Variants in NSMCE2 observed in about 807,000 individuals in gnomAD.
NSMCE2 encodes E3 SUMO-protein ligase NSE2.
A neutral mutation model predicts 23.8 loss-of-function variants in NSMCE2; 24 were observed. The ratio of observed to expected loss-of-function variants is 1.01; its 90% CI spans 0.73 to 1.42. The LOEUF (loss-of-function observed/expected upper bound fraction) is 1.42, where lower values mean the gene tolerates loss of function less well. Among genes scored for constraint, NSMCE2 ranks in the 40% most tolerant of loss-of-function variants. NSMCE2 has a pLI of 0.00. For synonymous variants in NSMCE2, 92 were observed against 94.1 expected (o/e 0.98, Z 0.13); for missense variants, 284 against 296.5 (o/e 0.96, Z 0.31).
intron 5 of NSMCE2, among the ~76,000 whole-genome samples, chr8:125,247,243 A>G (rs1826020650): frequency 6.6e-6 from 1 of 151,796 alleles, no homozygotes; most frequent in Non-Finnish European, 1.5e-5. Flanking sequence ...TAAGGTGGGA[A>G]GATTACCTGA....
rs752212701 is a variant in NSMCE2 at position 125,366,814 on chromosome 8, C to A, written c.673C>A (p.Leu225Ile). The change falls in exon 8 of 8, where the codon CTT becomes ATT. Residue 225 changes from leucine (L) to isoleucine (I), a missense_variant. Coordinates refer to ENST00000287437, the MANE Select transcript of NSMCE2 (RefSeq NM_173685.4). Reference sequence around the variant, plus strand: ...CCACACGGATATAAGAAAGTCAGATCTTATCCAGGATGAAGCACTTAGAAG... The same window carrying A: ...CCACACGGATATAAGAAAGTCAGATATTATCCAGGATGAAGCACTTAGAAG... The part of the protein sequence containing the change: ...CSHTDIRKSD[L>I]IQDEALRRAI... The A allele has an allele frequency of 2.5e-5, 41 of 1,613,420 alleles. No homozygotes were observed. Among genetic ancestry groups the A allele is most frequent in the Non-Finnish European group, 3.4e-5 (40 of 1,179,456 alleles).
chr8:125,149,046 A>G (rs1039641971), intron 3 of NSMCE2, among the ~76,000 whole-genome samples: 1 of 152,186 alleles, frequency 6.6e-6, no homozygotes, highest in African/African-American at 2.4e-5. Flanking sequence ...AATTTTCACA[A>G]CAACAAACTG....
At chr8:125,158,358 C>G (rs1821430689) in intron 4 of NSMCE2, among the ~76,000 whole-genome samples, 2 of 152,018 alleles carry the variant, frequency 1.3e-5, no homozygotes, top group East Asian at 1.9e-4. Context: ...CAAAGAAGAC[C>G]CCTCTGTGCA....
At chr8:125,355,461 A>T (rs1813217724) in intron 5 of NSMCE2, among the ~76,000 whole-genome samples, 1 of 152,224 alleles carries the variant, frequency 6.6e-6, no homozygotes, top group Admixed American at 6.5e-5. Flanking sequence ...GCACTCTGGG[A>T]GGCCAAGGCG....
chr8:125,328,088 C>A (rs1829744767), intron 5 of NSMCE2, among the ~76,000 whole-genome samples: 1 of 150,990 alleles, frequency 6.6e-6, no homozygotes, highest in Non-Finnish European at 1.5e-5. Context: ...TAGTACTGGC[C>A]ATTTTTCCAG....
In NSMCE2 at chr8:125,264,225, C is replaced by T. The variant is rs150582672; in HGVS notation, c.418+81969C>T. On this transcript the variant is annotated intron_variant, in intron 5 of 7. Transcript: ENST00000287437. The stretch of plus-strand genomic sequence containing the variant: ...CTGTCATGAGTGTGAATTTCATTGA[C>T]ATTTCTTTTTTAATCTTAGCATTTC... 8.5e-5 allele frequency among the ~76,000 whole-genome samples: 13 copies of T among 152,294 alleles called. No individual in the cohort carries two copies. The East Asian group carries it at 2.3e-3, about 27-fold the overall frequency.
At chr8:125,102,220 A>G (rs888442370) in intron 2 of NSMCE2, 74 bp downstream of exon 2, 1 of 809,722 alleles carries the variant, frequency 1.2e-6, no homozygotes, top group African/African-American at 1.7e-5. Flanking sequence ...GATATTGGAT[A>G]CATTTGTATG....
intron 7 of NSMCE2, 124 bp downstream of exon 7, chr8:125,357,942 T>G (rs1390798303): frequency 1.5e-6 from 1 of 672,578 alleles, no homozygotes; most frequent in East Asian, 2.7e-5. Context: ...TCCCGAATAC[T>G]GTAAACATGG....
intron 5 of NSMCE2, among the ~76,000 whole-genome samples, chr8:125,305,695 C>T (rs1443368398): frequency 6.6e-6 from 1 of 152,128 alleles, no homozygotes; most frequent in East Asian, 1.9e-4. Flanking sequence ...TTTAGAAACT[C>T]GTATACCTGC....
At chr8:125,129,346 A>G in intron 3 of NSMCE2, among the ~76,000 whole-genome samples, 1 of 150,536 alleles carries the variant, frequency 6.6e-6, no homozygotes, top group East Asian at 1.9e-4. Context: ...GTCTGAAAGG[A>G]TACTTAAACA....
At chr8:125,165,418 T>C (rs1821829053) in intron 4 of NSMCE2, among the ~76,000 whole-genome samples, 1 of 152,222 alleles carries the variant, frequency 6.6e-6, no homozygotes, top group South Asian at 2.1e-4. Flanking sequence ...AGTGGTGCCT[T>C]CTTCAGCACT....
chr8:125,097,612 A>G (rs1817999857), intron 1 of NSMCE2, among the ~76,000 whole-genome samples: 1 of 152,126 alleles, frequency 6.6e-6, no homozygotes, highest in Non-Finnish European at 1.5e-5. Flanking sequence ...TGTTGTGCCT[A>G]TAATCCTTTC....
intron 5 of NSMCE2, among the ~76,000 whole-genome samples, chr8:125,299,771 CTAT>C (rs377141887): frequency 2.4e-3 from 334 of 137,372 alleles, no homozygotes; most frequent in African/African-American, 8.0e-3. Flanking sequence ...AGTTTGAAGA[CTAT>C]TATTACCTTG....
At chr8:125,237,451 T>A (rs1405419216) in intron 5 of NSMCE2, among the ~76,000 whole-genome samples, 1 of 152,136 alleles carries the variant, frequency 6.6e-6, no homozygotes, top group Non-Finnish European at 1.5e-5. Flanking sequence ...CCTGCCAGAT[T>A]GAGGCAAGCA....
chr8:125,243,960 TAA>T (rs1289112219), intron 5 of NSMCE2, among the ~76,000 whole-genome samples: 1 of 151,946 alleles, frequency 6.6e-6, no homozygotes, highest in African/African-American at 2.4e-5. Context: ...GCAAAATTTA[TAA>T]AGACATTCTG....
At chr8:125,277,910 A>T (rs947574837) in intron 5 of NSMCE2, among the ~76,000 whole-genome samples, 6 of 151,922 alleles carry the variant, frequency 3.9e-5, no homozygotes, top group African/African-American at 1.5e-4. Context: ...TAATTTTTTT[A>T]AAAAGATGCA....
At chr8:125,165,736 A>G (rs2130744275) in intron 4 of NSMCE2, among the ~76,000 whole-genome samples, 1 of 152,300 alleles carries the variant, frequency 6.6e-6, no homozygotes, top group Admixed American at 6.5e-5. Flanking sequence ...TTATTGTTCT[A>G]ATTTTTCTAT....
chr8:125,107,188 CT>C (rs71295817), intron 3 of NSMCE2, among the ~76,000 whole-genome samples: 251 of 120,006 alleles, frequency 2.1e-3, no homozygotes, highest in African/African-American at 5.1e-3. Context: ...CAAGGACATT[CT>C]TTTTTTTTTT....
At chr8:125,124,635 A>C (rs960833183) in intron 3 of NSMCE2, among the ~76,000 whole-genome samples, 5 of 151,994 alleles carry the variant, frequency 3.3e-5, no homozygotes, top group African/African-American at 9.7e-5. Context: ...TTGCACCACC[A>C]CACCTGGCTA....
Sources: allele counts gnomAD v4.1 joint callset (sites outside exome capture counted in the v4.1 genomes callset), GRCh38; gene constraint gnomAD v4.1.1; transcripts MANE v1.5; gene names NCBI Gene and HGNC (gene_info 2026-07-23, HGNC 2026-07-21).